NEGR1: variants seen among roughly 807,000 people sequenced by gnomAD.
NEGR1 encodes the protein IgLON family member 4.
Under a neutral mutation model 40.9 loss-of-function variants are expected in NEGR1, and 10 were observed. That is an observed-to-expected ratio of 0.24 (90% CI 0.15 to 0.42). NEGR1 has a LOEUF of 0.42. Among genes scored for constraint, NEGR1 ranks in the 10% least tolerant of loss-of-function variants. The probability of loss-of-function intolerance (pLI) is 1.00; values close to 1 mark genes in which losing one functional copy is unlikely to be tolerated. For synonymous variants in NEGR1, 185 were observed against 166.8 expected, an observed-to-expected ratio of 1.11 and a Z score of -0.84; for missense variants, 352 against 438.9, an observed-to-expected ratio of 0.80 and a Z score of 1.77.
intron 1 of NEGR1, among the ~76,000 whole-genome samples, chr1:72,137,218 C>A (rs1203006535): frequency 3.3e-5 from 5 of 152,086 alleles, no homozygotes; most frequent in African/African-American, 1.2e-4. Context: ...ACAAGAAATA[C>A]CATTTGACCC....
rs1162449796 is a variant in NEGR1, at chr1:72,149,926, A to G, written c.176+132393T>C. Among the ~76,000 whole-genome samples, 6 of 150,148 alleles carry G rather than the reference A, an allele frequency of 4.0e-5. 1 individual carries two copies. The East Asian group carries it at 9.7e-4, about 24-fold the overall frequency. On this transcript the variant is annotated intron_variant, in intron 1 of 6. Coordinates refer to ENST00000357731, the MANE Select transcript of NEGR1 (RefSeq NM_173808.3). ...AGAAAGAAAGAAAGAAAAAAGAAAG[A>G]AAAAAAAACACCAAGGACAAGTATC... is the stretch of plus-strand genomic sequence containing the variant.
At chr1:71,564,957 T>C (rs1648569921) in intron 6 of NEGR1, among the ~76,000 whole-genome samples, 2 of 152,160 alleles carry the variant, frequency 1.3e-5, no homozygotes, top group African/African-American at 4.8e-5. Flanking sequence ...CTATGTATCA[T>C]ACTGCTTCAA....
intron 1 of NEGR1, among the ~76,000 whole-genome samples, chr1:72,065,169 AT>A (rs934187801): frequency 7.2e-5 from 11 of 152,014 alleles, no homozygotes; most frequent in East Asian, 1.9e-4. Context: ...ACAACTTTTC[AT>A]TTTTTTACTG....
chr1:72,140,523 GC>G (rs1650632255), intron 1 of NEGR1, among the ~76,000 whole-genome samples: 2 of 151,742 alleles, frequency 1.3e-5, no homozygotes, highest in Admixed American at 1.3e-4. Context: ...TGAAGATGAA[GC>G]CCAGATGACC....
intron 2 of NEGR1, among the ~76,000 whole-genome samples, chr1:71,837,170 T>C (rs1659066683): frequency 6.6e-6 from 1 of 152,092 alleles, no homozygotes; most frequent in Non-Finnish European, 1.5e-5. Context: ...TGTGACCCTG[T>C]TTTCAGATTG....
intron 6 of NEGR1, among the ~76,000 whole-genome samples, chr1:71,428,670 AATAAATTTATTTTATTAT>A (rs1199174942): frequency 1.3e-5 from 2 of 148,954 alleles, no homozygotes; most frequent in Non-Finnish European, 3.0e-5. Context: ...TATTATAATA[AATAAATTTATTTTATTAT>A]ATAAATTTAT....
chr1:71,594,888 C>G (rs768360900), intron 5 of NEGR1, among the ~76,000 whole-genome samples: 2 of 152,218 alleles, frequency 1.3e-5, no homozygotes, highest in Non-Finnish European at 2.9e-5. Context: ...CCCTAGACTA[C>G]TAAATCCCTG....
At chr1:72,105,449 C>T (rs563684421) in intron 1 of NEGR1, among the ~76,000 whole-genome samples, 1 of 152,006 alleles carries the variant, frequency 6.6e-6, no homozygotes, top group African/African-American at 2.4e-5. Context: ...GCCTGCAATT[C>T]CTGCACTTTG....
At chr1:71,937,443 C>A (rs959894066) in intron 1 of NEGR1, among the ~76,000 whole-genome samples, 2 of 152,150 alleles carry the variant, frequency 1.3e-5, no homozygotes, top group Non-Finnish European at 2.9e-5. Context: ...TCAAGTGTTT[C>A]TGTGTGACCA....
intron 1 of NEGR1, among the ~76,000 whole-genome samples, chr1:72,014,266 T>A (rs2100408219): frequency 6.6e-6 from 1 of 152,138 alleles, no homozygotes; most frequent in South Asian, 2.1e-4. Context: ...ATCTTATTAT[T>A]TAGAAATTAT....
intron 6 of NEGR1, among the ~76,000 whole-genome samples, chr1:71,570,456 G>T (rs1648774642): frequency 6.6e-6 from 1 of 152,124 alleles, no homozygotes; most frequent in African/African-American, 2.4e-5. Flanking sequence ...ACATTTATAA[G>T]TTGGAAAGTG....
chr1:71,724,089 T>C (rs575861405), intron 3 of NEGR1, among the ~76,000 whole-genome samples: 1 of 152,272 alleles, frequency 6.6e-6, no homozygotes, highest in Non-Finnish European at 1.5e-5. Flanking sequence ...CCTCTCCCTA[T>C]GGGTCTCCAG....
chr1:71,578,666 T>C (rs563235055), intron 6 of NEGR1, among the ~76,000 whole-genome samples: 3 of 152,170 alleles, frequency 2.0e-5, no homozygotes, highest in African/African-American at 4.8e-5. Flanking sequence ...CCTGTATAAT[T>C]TGAAGGAAAG....
At chr1:72,215,675 A>G (rs1194259) in intron 1 of NEGR1, among the ~76,000 whole-genome samples, 72,950 of 151,744 alleles carry the variant, frequency 0.48, 18,238 homozygotes, top group African/African-American at 0.59. Context: ...TCTCACACCA[A>G]TCAGAATGGC....
chr1:71,852,965 A>C (rs1190484288), intron 2 of NEGR1, among the ~76,000 whole-genome samples: 2 of 152,106 alleles, frequency 1.3e-5, no homozygotes, highest in East Asian at 3.9e-4. Context: ...TAGAGATCAC[A>C]GAGATTTCAA....
chr1:71,762,839 T>C (rs182045861), intron 3 of NEGR1, among the ~76,000 whole-genome samples: 1 of 152,276 alleles, frequency 6.6e-6, no homozygotes, highest in Admixed American at 6.5e-5. Flanking sequence ...CTCAGTATTC[T>C]ATTCTAAGCC....
chr1:72,047,960 G>C (rs1205377257), intron 1 of NEGR1, among the ~76,000 whole-genome samples: 1 of 151,580 alleles, frequency 6.6e-6, no homozygotes, highest in Non-Finnish European at 1.5e-5. Context: ...TGCTCATCCA[G>C]GCAGACAAGG....
intron 3 of NEGR1, among the ~76,000 whole-genome samples, chr1:71,755,452 CT>C (rs1655701241): frequency 6.6e-6 from 1 of 152,146 alleles, no homozygotes; most frequent in Non-Finnish European, 1.5e-5. Flanking sequence ...CTATAGCTTC[CT>C]TTTGCATTTA....
chr1:71,489,489 A>G (rs1646911014), intron 6 of NEGR1, among the ~76,000 whole-genome samples: 1 of 151,866 alleles, frequency 6.6e-6, no homozygotes, highest in Non-Finnish European at 1.5e-5. Flanking sequence ...ACACAAAAAC[A>G]CTGATTGATA....
Sources: gnomAD v4.1 joint callset for allele counts (sites outside exome capture counted in the v4.1 genomes callset) on GRCh38, gnomAD v4.1.1 for gene constraint, MANE v1.5 for transcripts, NCBI Gene and HGNC (gene_info 2026-07-23, HGNC 2026-07-21) for gene names.